The following SLCO3A1 variants were observed in gnomAD, a reference collection of about 807,000 sequenced individuals.
SLCO3A1 encodes solute carrier organic anion transporter family member 3A1.
In SLCO3A1, 27 loss-of-function variants were observed where a neutral mutation model predicts 63.1. That is an observed-to-expected ratio of 0.43 (90% confidence interval 0.32 to 0.59). The LOEUF is 0.59. SLCO3A1 is among the 20% of genes least tolerant of loss of function. The pLI is 0.09. For missense variants in SLCO3A1, 773 were observed against 945.8 expected (o/e 0.82, Z 2.40); for synonymous variants, 473 against 409.9 (o/e 1.15, Z -1.86).
At chr15:92,095,722 G>T (rs1323345006) in intron 3 of SLCO3A1, among the ~76,000 whole-genome samples, 1 of 151,704 alleles carries the variant, frequency 6.6e-6, no homozygotes, top group Non-Finnish European at 1.5e-5. Flanking sequence ...TAGGTCAGCA[G>T]TGTCAGGGTC....
Position 91,950,273 on chromosome 15 carries a change from G to C in SLCO3A1, c.646+33815G>C, listed in dbSNP as rs1899954950. Among the ~76,000 whole-genome samples, 2 of 152,222 alleles carry C rather than the reference G, an allele frequency of 1.3e-5. No individual in the cohort carries two copies. ...AGATTCGGGTGTGTGTATTGTGGAG[G>C]GGATTGCAGGGGGCTGGGGAAGCAG... On this transcript the variant is annotated intron_variant, in intron 2 of 9. Coordinates refer to ENST00000318445, the MANE Select transcript of SLCO3A1 (RefSeq NM_013272.4). The surrounding 1 kb of genome is among the most constrained non-coding windows in gnomAD (Gnocchi z 4.4).
chr15:91,874,690 C>G (rs76871928), intron 1 of SLCO3A1, among the ~76,000 whole-genome samples: 1 of 152,160 alleles, frequency 6.6e-6, no homozygotes, highest in Non-Finnish European at 1.5e-5. Context: ...TGAATAATGC[C>G]GCTCCGATCA....
chr15:91,988,191 T>G (rs916521825), intron 2 of SLCO3A1, among the ~76,000 whole-genome samples: 2 of 152,004 alleles, frequency 1.3e-5, no homozygotes, highest in African/African-American at 4.8e-5. Context: ...TCGCTTGAGC[T>G]CAGGAGTTTA....
Position 91,865,366 on chromosome 15 carries a change from G to A in SLCO3A1, c.180+11278G>A, listed in dbSNP as rs543044670. ...TCACAGTTTATCTGTTGGTGAGGTGGACATGGGCTTGGAGGGGAGAGGGTG... is the reference window on the plus strand; with the variant it reads ...TCACAGTTTATCTGTTGGTGAGGTGAACATGGGCTTGGAGGGGAGAGGGTG... On this transcript the variant is annotated intron_variant, in intron 1 of 9. Transcript: ENST00000318445. This position sits in a 1 kb window ranked among gnomAD's most constrained non-coding sequence, Gnocchi z 4.6. Among the ~76,000 whole-genome samples the A allele has an allele frequency of 1.3e-5, 2 of 152,312 alleles. No homozygotes were observed. Among genetic ancestry groups the A allele is most frequent in the East Asian group, 3.9e-4 (2 of 5,184 alleles).
chr15:91,884,038 G>C (rs1330583750), intron 1 of SLCO3A1, among the ~76,000 whole-genome samples: 2 of 152,200 alleles, frequency 1.3e-5, no homozygotes, highest in Non-Finnish European at 2.9e-5. Context: ...TAAGAATCGT[G>C]ATCGTATCTA....
chr15:92,047,893 C>G (rs529283771), intron 2 of SLCO3A1, among the ~76,000 whole-genome samples: 1 of 151,662 alleles, frequency 6.6e-6, no homozygotes, highest in South Asian at 2.1e-4. Context: ...TTTCTCAAGC[C>G]AGGCAATGTA....
intron 1 of SLCO3A1, among the ~76,000 whole-genome samples, chr15:91,861,929 G>A (rs546004395): frequency 4.1e-4 from 60 of 147,892 alleles, no homozygotes; most frequent in South Asian, 2.4e-3. Flanking sequence ...TGTGAGCCAC[G>A]GTGCCTTGCC....
At chr15:92,162,614 G>T (rs73544515) in intron 9 of SLCO3A1, 142 bp from the exon 10 acceptor site, 27 of 1,344,970 alleles carry the variant, frequency 2.0e-5, no homozygotes, top group Non-Finnish European at 2.4e-5. Flanking sequence ...AAACTCATGC[G>T]CTTTGCCTCC....
chr15:92,053,700 T>G (rs376687595), intron 2 of SLCO3A1, among the ~76,000 whole-genome samples: 3,063 of 150,104 alleles, frequency 0.02, 100 homozygotes, highest in African/African-American at 0.06. Flanking sequence ...TTGTTTGTTT[T>G]TTTTTTTTTT....
At position 91,932,650 on chromosome 15, in the gene SLCO3A1, C is replaced by T. The variant is rs979316661; in HGVS notation, c.646+16192C>T. On this transcript the variant is annotated intron_variant, in intron 2 of 9. Coordinates refer to ENST00000318445, the MANE Select transcript of SLCO3A1 (RefSeq NM_013272.4). Reference sequence around the variant, plus strand: ...TAGAGATGAGGTTTCACCATGTTGGCCAGGCTGGTCTCAAACTCCTGACCT... The same window carrying T: ...TAGAGATGAGGTTTCACCATGTTGGTCAGGCTGGTCTCAAACTCCTGACCT... 5.3e-5 allele frequency among the ~76,000 whole-genome samples: 8 copies of T among 152,138 alleles called. No homozygotes were observed. The South Asian group carries it at 1.7e-3, about 32-fold the overall frequency.
In SLCO3A1 at chr15:91,912,297, G is replaced by A. The variant is rs1214393194; in HGVS notation, c.181-3696G>A. On this transcript the variant is annotated intron_variant, in intron 1 of 9. Transcript: ENST00000318445. The surrounding 1 kb of genome is among the most constrained non-coding windows in gnomAD (Gnocchi z 5.0). ...GTGTTTTAAATGAGTGAAAACATTA[G>A]CCTCTGATCTAATTGATCCACAAAG... 6.6e-6 allele frequency among the ~76,000 whole-genome samples: 1 copy of A among 152,114 alleles called. No individual in the cohort carries two copies. The highest frequency in any genetic ancestry group is 1.5e-5 in the Non-Finnish European group (1 of 68,020).
intron 2 of SLCO3A1, among the ~76,000 whole-genome samples, chr15:92,087,599 A>G (rs1238221448): frequency 1.3e-5 from 2 of 148,928 alleles, no homozygotes; most frequent in African/African-American, 2.5e-5. Context: ...GCTCACCTCA[A>G]CCTCTGCCTC....
At position 92,029,928 on chromosome 15, in the gene SLCO3A1, T is replaced by G. The variant is rs536126094; in HGVS notation, c.647-64953T>G. Among the ~76,000 whole-genome samples the G allele has an allele frequency of 5.3e-5, 8 of 152,132 alleles. No homozygotes were observed. In the South Asian group the frequency reaches 1.7e-3, roughly 32 times the overall value. The stretch of plus-strand genomic sequence containing the variant: ...AGTCTGTGAACCAAAAGGCCACAGG[T>G]CAATTACCTCGGAGCTGCTAAGAAT... On this transcript the variant is annotated intron_variant, in intron 2 of 9. Coordinates refer to ENST00000318445, the MANE Select transcript of SLCO3A1 (RefSeq NM_013272.4).
chr15:92,043,676 A>G (rs1223057868), intron 2 of SLCO3A1, among the ~76,000 whole-genome samples: 2 of 152,170 alleles, frequency 1.3e-5, no homozygotes, highest in Admixed American at 1.3e-4. Flanking sequence ...CCTGGTTCAC[A>G]TTTTTCAACC....
intron 7 of SLCO3A1, among the ~76,000 whole-genome samples, chr15:92,140,976 T>C (rs990528741): frequency 2.0e-5 from 3 of 152,244 alleles, no homozygotes; most frequent in African/African-American, 7.2e-5. Flanking sequence ...TATGTCCTTT[T>C]ATGCCTGGGC....
At chr15:91,993,038 T>C (rs377495386) in intron 2 of SLCO3A1, among the ~76,000 whole-genome samples, 10 of 152,314 alleles carry the variant, frequency 6.6e-5, no homozygotes, top group African/African-American at 1.7e-4. Context: ...AGGTACAACC[T>C]TTCTGGCGTG....
At chr15:91,997,642 T>C (rs185232428) in intron 2 of SLCO3A1, among the ~76,000 whole-genome samples, 1 of 152,302 alleles carries the variant, frequency 6.6e-6, no homozygotes, top group East Asian at 1.9e-4. Flanking sequence ...AATGACATGG[T>C]ACTTATACAA....
At chr15:92,108,748 C>T (rs1256458538) in intron 4 of SLCO3A1, among the ~76,000 whole-genome samples, 1 of 152,264 alleles carries the variant, frequency 6.6e-6, no homozygotes, top group East Asian at 1.9e-4. Context: ...CTCTTGTTTG[C>T]TGCTATTTCT....
chr15:92,109,016 T>G (rs1369536966), intron 4 of SLCO3A1, among the ~76,000 whole-genome samples: 1 of 152,160 alleles, frequency 6.6e-6, no homozygotes, highest in Non-Finnish European at 1.5e-5. Context: ...TCATTTCCAA[T>G]GCACAGAACA....
Sources: allele counts gnomAD v4.1 joint callset (sites outside exome capture counted in the v4.1 genomes callset), GRCh38; gene constraint gnomAD v4.1.1; non-coding constraint Gnocchi (gnomAD v3.1); transcripts MANE v1.5; gene names NCBI Gene and HGNC (gene_info 2026-07-23, HGNC 2026-07-21).